Variants in IGF1R observed in about 807,000 individuals in gnomAD.
IGF1R encodes the protein insulin-like growth factor 1 receptor.
IGF1R carries 44 observed loss-of-function variants against 144.6 expected under a neutral mutation model. The ratio of observed to expected loss-of-function variants is 0.30; its 90% CI spans 0.24 to 0.39. The LOEUF (loss-of-function observed/expected upper bound fraction) is 0.39. IGF1R is among the 10% of genes least tolerant of loss of function. The probability of loss-of-function intolerance (pLI) is 1.00; values close to 1 mark genes in which losing one functional copy is unlikely to be tolerated. For missense variants in IGF1R, 1,355 were observed against 1,833.7 expected, an observed-to-expected ratio of 0.74 and a Z score of 4.77; for synonymous variants, 795 against 722.8, an observed-to-expected ratio of 1.10 and a Z score of -1.60.
chr15:98,778,127 C>CATG (rs1279067592), intron 2 of IGF1R, among the ~76,000 whole-genome samples: 4 of 152,106 alleles, frequency 2.6e-5, no homozygotes, highest in Admixed American at 6.5e-5. Flanking sequence ...GTCCTGAGAA[C>CATG]ATGAGAGAGT....
At chr15:98,777,004 G>A (rs1179093623) in intron 2 of IGF1R, among the ~76,000 whole-genome samples, 1 of 152,170 alleles carries the variant, frequency 6.6e-6, no homozygotes, top group Non-Finnish European at 1.5e-5. Context: ...TGTGGTTTCT[G>A]GTTTCACAGA....
At chr15:98,701,455 G>A (rs1310796423) in intron 1 of IGF1R, among the ~76,000 whole-genome samples, 1 of 146,328 alleles carries the variant, frequency 6.8e-6, no homozygotes, top group Non-Finnish European at 1.5e-5. Context: ...TCCTGCCTCA[G>A]CCTCCCAAGT....
chr15:98,761,116 C>T (rs531933701), intron 2 of IGF1R, among the ~76,000 whole-genome samples: 1 of 152,366 alleles, frequency 6.6e-6, no homozygotes, highest in Non-Finnish European at 1.5e-5. Flanking sequence ...CTGCTGGTCT[C>T]TGCAGCTCTC....
At chr15:98,712,488 A>G (rs1159163578) in intron 2 of IGF1R, among the ~76,000 whole-genome samples, 1 of 151,936 alleles carries the variant, frequency 6.6e-6, no homozygotes, top group Non-Finnish European at 1.5e-5. Context: ...TCCCTCCCGA[A>G]TGGAATGGAA....
At chr15:98,896,427 A>G (rs910029543) in intron 3 of IGF1R, among the ~76,000 whole-genome samples, 2 of 152,208 alleles carry the variant, frequency 1.3e-5, no homozygotes, top group South Asian at 2.1e-4. Context: ...TCCTTTCTGC[A>G]GCACTGTCTC....
At chr15:98,736,517 G>A (rs2054611965) in intron 2 of IGF1R, among the ~76,000 whole-genome samples, 1 of 152,090 alleles carries the variant, frequency 6.6e-6, no homozygotes, top group South Asian at 2.1e-4. Context: ...TCGTGAAATT[G>A]GAGGCCACAT....
chr15:98,766,916 A>G (rs1159744374), intron 2 of IGF1R, among the ~76,000 whole-genome samples: 1 of 152,202 alleles, frequency 6.6e-6, no homozygotes, highest in Non-Finnish European at 1.5e-5. Context: ...GTTTGTAGAA[A>G]AACTCCAGCT....
chr15:98,926,654 G>T (rs1303354715), intron 13 of IGF1R, among the ~76,000 whole-genome samples: 1 of 152,186 alleles, frequency 6.6e-6, no homozygotes, highest in African/African-American at 2.4e-5. Context: ...TAATCTGTTT[G>T]TGATATCTGA....
intron 2 of IGF1R, among the ~76,000 whole-genome samples, chr15:98,783,707 A>G (rs1366055674): frequency 6.6e-6 from 1 of 152,132 alleles, no homozygotes; most frequent in Non-Finnish European, 1.5e-5. Context: ...CTCACTTTTT[A>G]GTTTATGCTA....
At chr15:98,908,087 T>C (rs567385008) in intron 5 of IGF1R, among the ~76,000 whole-genome samples, 2 of 152,212 alleles carry the variant, frequency 1.3e-5, no homozygotes, top group African/African-American at 4.8e-5. Flanking sequence ...GAGCACTGCA[T>C]GTTAGTGGCT....
chr15:98,911,809 T>C (rs45454895), intron 7 of IGF1R, among the ~76,000 whole-genome samples: 2,025 of 152,276 alleles, frequency 0.013, 27 homozygotes, highest in Middle Eastern at 0.051. Flanking sequence ...TCAGCCTCCT[T>C]ACCTACTAGG....
At chr15:98,930,539 C>A (rs1244128481) in intron 15 of IGF1R, among the ~76,000 whole-genome samples, 1 of 152,024 alleles carries the variant, frequency 6.6e-6, no homozygotes, top group Admixed American at 6.5e-5. Flanking sequence ...CAAGGAAACA[C>A]AGGCTTTAGA....
chr15:98,949,096 C>T (rs2016671368), intron 20 of IGF1R, among the ~76,000 whole-genome samples: 1 of 152,170 alleles, frequency 6.6e-6, no homozygotes. Context: ...AATTCAAGAG[C>T]CCCGCGCCCC....
chr15:98,936,185 A>T (rs1029655030), intron 17 of IGF1R, among the ~76,000 whole-genome samples: 1 of 152,218 alleles, frequency 6.6e-6, no homozygotes, highest in Non-Finnish European at 1.5e-5. Context: ...ATCCAGAGTC[A>T]GTGTCCTGCT....
intron 2 of IGF1R, among the ~76,000 whole-genome samples, chr15:98,820,044 C>G (rs143041690): frequency 6.6e-6 from 1 of 152,304 alleles, no homozygotes; most frequent in South Asian, 2.1e-4. Flanking sequence ...AGAATCCTTA[C>G]GCGTTCACAA....
intron 12 of IGF1R, 128 bp downstream of exon 12, chr15:98,924,140 G>A: frequency 2.1e-6 from 2 of 955,904 alleles, no homozygotes; most frequent in East Asian, 2.4e-5. Context: ...CCAAGTTGGT[G>A]AGGATTTGGG....
chr15:98,779,700 C>T (rs375790828), intron 2 of IGF1R, among the ~76,000 whole-genome samples: 5 of 152,332 alleles, frequency 3.3e-5, no homozygotes, highest in South Asian at 2.1e-4. Flanking sequence ...GCACTTGACT[C>T]GAGCCTCTCC....
intron 2 of IGF1R, among the ~76,000 whole-genome samples, chr15:98,767,767 G>A (rs532783110): frequency 4.5e-4 from 68 of 152,284 alleles, no homozygotes; most frequent in African/African-American, 1.6e-3. Flanking sequence ...TCTGACAGTG[G>A]GTATGGTGTC....
chr15:98,779,819 G>T (rs907800), intron 2 of IGF1R, among the ~76,000 whole-genome samples: 135,355 of 152,124 alleles, frequency 0.89, 61,222 homozygotes, highest in Non-Finnish European at 0.97. Flanking sequence ...TGTGGAGATA[G>T]CCTGTTGGCA....
Sources: allele counts gnomAD v4.1 joint callset (sites outside exome capture counted in the v4.1 genomes callset), GRCh38; gene constraint gnomAD v4.1.1; transcripts MANE v1.5; gene names NCBI Gene and HGNC (gene_info 2026-07-23, HGNC 2026-07-21).